Variants in HOMER1 observed in about 807,000 individuals in gnomAD.
The protein encoded by HOMER1 is homer scaffold protein 1.
In HOMER1, 3 loss-of-function variants were observed where a neutral mutation model predicts 48.9. The ratio of observed to expected loss-of-function variants is 0.06; its 90% CI spans 0.03 to 0.16. HOMER1 has a LOEUF of 0.16. HOMER1 is among the 10% of genes least tolerant of loss of function. The probability of loss-of-function intolerance (pLI) is 1.00; values close to 1 mark genes in which losing one functional copy is unlikely to be tolerated. For synonymous variants in HOMER1, 134 were observed against 146.4 expected (o/e 0.92, Z 0.61); for missense variants, 247 against 411.4 (o/e 0.60, Z 3.46).
chr5:79,421,706 G>A (rs377320237), intron 5 of HOMER1, among the ~76,000 whole-genome samples: 6 of 151,700 alleles, frequency 4.0e-5, no homozygotes, highest in East Asian at 1.9e-4. Context: ...CCGGGTTCAA[G>A]TGATTCTCCT....
At chr5:79,475,545 A>C (rs1047630920) in intron 1 of HOMER1, among the ~76,000 whole-genome samples, 1 of 150,938 alleles carries the variant, frequency 6.6e-6, no homozygotes, top group African/African-American at 2.4e-5. Context: ...CTATCATGTC[A>C]TCCTTCTCAG....
At chr5:79,512,717 T>C in intron 1 of HOMER1, 53 bp downstream of exon 1, 2 of 1,570,844 alleles carry the variant, frequency 1.3e-6, no homozygotes, top group Non-Finnish European at 8.8e-7. Context: ...CACCGCTCAA[T>C]AATACACATA....
chr5:79,444,855 C>T (rs1750833715), intron 4 of HOMER1, among the ~76,000 whole-genome samples: 1 of 152,168 alleles, frequency 6.6e-6, no homozygotes, highest in Non-Finnish European at 1.5e-5. Flanking sequence ...AAAAGTATCA[C>T]TACACCTTCG....
At chr5:79,414,571 G>A (rs1315580130) in intron 5 of HOMER1, among the ~76,000 whole-genome samples, 2 of 151,884 alleles carry the variant, frequency 1.3e-5, no homozygotes, top group African/African-American at 4.8e-5. Flanking sequence ...TAGCGAGGGG[G>A]TCTTGTTATG....
At chr5:79,377,725 A>C (rs1314653394) in intron 8 of HOMER1, among the ~76,000 whole-genome samples, 3 of 152,246 alleles carry the variant, frequency 2.0e-5, no homozygotes, top group Non-Finnish European at 4.4e-5. Context: ...AATGAAAAGA[A>C]CAGAATATAA....
At chr5:79,458,223 C>T (rs763989705) in intron 1 of HOMER1, among the ~76,000 whole-genome samples, 5 of 151,920 alleles carry the variant, frequency 3.3e-5, no homozygotes, top group Admixed American at 6.6e-5. Flanking sequence ...ATAGAAGCAT[C>T]GTAATTCAAA....
intron 3 of HOMER1, among the ~76,000 whole-genome samples, 166 bp downstream of exon 3, chr5:79,450,824 A>G (rs968461226): frequency 1.7e-4 from 26 of 152,362 alleles, no homozygotes; most frequent in African/African-American, 6.3e-4. Flanking sequence ...TCCAAGTGAC[A>G]GCAGAATCTA....
intron 4 of HOMER1, among the ~76,000 whole-genome samples, chr5:79,444,514 T>C (rs1750824015): frequency 6.6e-6 from 1 of 152,250 alleles, no homozygotes; most frequent in African/African-American, 2.4e-5. Context: ...TTATATTTCA[T>C]AGTATTTTTC....
At chr5:79,396,049 C>T (rs1312504496) in intron 8 of HOMER1, among the ~76,000 whole-genome samples, 5 of 152,178 alleles carry the variant, frequency 3.3e-5, no homozygotes, top group Admixed American at 6.5e-5. Context: ...AGGCACCTAA[C>T]GCTGAGGGTG....
Position 79,376,220 on chromosome 5 carries a change from T to C in HOMER1, c.877-23A>G, listed in dbSNP as rs759103455. The C allele has an allele frequency of 5.2e-6, 8 of 1,552,020 alleles. 1 individual carries two copies. The Middle Eastern group carries it at 6.8e-4, about 132-fold the overall frequency. ...TTCCTTCAGAAACAAAAGTGTAACA[T>C]GTATATATGTCAATTCATCACTTAG... On this transcript the variant is annotated intron_variant, in intron 8 of 8. Coordinates refer to ENST00000334082, the MANE Select transcript of HOMER1 (RefSeq NM_004272.5).
chr5:79,423,894 T>C (rs1391559651), intron 5 of HOMER1, among the ~76,000 whole-genome samples: 1 of 152,110 alleles, frequency 6.6e-6, no homozygotes, highest in African/African-American at 2.4e-5. Flanking sequence ...CCCTTCATTT[T>C]TGAGACAGAG....
At chr5:79,436,348 C>A (rs1240622317) in intron 5 of HOMER1, among the ~76,000 whole-genome samples, 2 of 152,052 alleles carry the variant, frequency 1.3e-5, no homozygotes, top group East Asian at 3.9e-4. Context: ...TACTAACTTC[C>A]TGACACAACA....
intron 5 of HOMER1, among the ~76,000 whole-genome samples, chr5:79,410,176 C>T (rs1749778300): frequency 6.6e-6 from 1 of 152,076 alleles, no homozygotes; most frequent in Admixed American, 6.6e-5. Flanking sequence ...CTTTAATAAT[C>T]TGTCTTTCTA....
chr5:79,424,483 T>C (rs956732743), intron 5 of HOMER1, among the ~76,000 whole-genome samples: 5 of 152,056 alleles, frequency 3.3e-5, no homozygotes, highest in Non-Finnish European at 7.4e-5. Context: ...TGTTACCTAA[T>C]GTCTATTCAT....
At chr5:79,481,023 G>A (rs1288330463) in intron 1 of HOMER1, among the ~76,000 whole-genome samples, 1 of 152,188 alleles carries the variant, frequency 6.6e-6, no homozygotes, top group Non-Finnish European at 1.5e-5. Context: ...AATAGTCTAT[G>A]TAAGTGATTA....
chr5:79,404,844 G>A (rs1276390505), intron 5 of HOMER1, among the ~76,000 whole-genome samples: 1 of 149,780 alleles, frequency 6.7e-6, no homozygotes, highest in African/African-American at 2.5e-5. Context: ...GCTGGGAGGT[G>A]CCCACCACCA....
intron 5 of HOMER1, among the ~76,000 whole-genome samples, chr5:79,437,849 G>T (rs1307165825): frequency 6.6e-6 from 1 of 152,130 alleles, no homozygotes; most frequent in Non-Finnish European, 1.5e-5. Flanking sequence ...AGAGACAGGG[G>T]TCTCACTATG....
intron 5 of HOMER1, among the ~76,000 whole-genome samples, chr5:79,430,171 A>G (rs967398267): frequency 6.6e-6 from 1 of 152,236 alleles, no homozygotes; most frequent in Admixed American, 6.5e-5. Flanking sequence ...CTACAACTCA[A>G]CAACAAAGAG....
chr5:79,474,206 A>AATT (rs1751695176), intron 1 of HOMER1, among the ~76,000 whole-genome samples: 4 of 98,722 alleles, frequency 4.1e-5, no homozygotes, highest in African/African-American at 1.9e-4. Context: ...CCCAACCAAA[A>AATT]TTTTTTTTTT....
Sources: allele counts gnomAD v4.1 joint callset (sites outside exome capture counted in the v4.1 genomes callset), GRCh38; gene constraint gnomAD v4.1.1; transcripts MANE v1.5; gene names NCBI Gene and HGNC (gene_info 2026-07-23, HGNC 2026-07-21).